The following ZBTB20 variants were observed in gnomAD, a reference collection of about 807,000 sequenced individuals.
The protein encoded by ZBTB20 is zinc finger and BTB domain containing 20, also known as zinc finger and BTB domain-containing protein 20.
In ZBTB20, 9 loss-of-function variants were observed where a neutral mutation model predicts 56.9. The observed-to-expected ratio is 0.16, with a 90% CI of 0.10 to 0.28. The LOEUF is 0.28. Among genes scored for constraint, ZBTB20 ranks in the 10% least tolerant of loss-of-function variants. The pLI, the probability that ZBTB20 is intolerant of heterozygous loss-of-function variation, is 1.00. For missense variants in ZBTB20, 655 were observed against 1,003.0 expected (o/e 0.65, Z 4.69); for synonymous variants, 417 against 420.7 (o/e 0.99, Z 0.11).
At chr3:114,978,685 T>C (rs900055622) in intron 2 of ZBTB20, among the ~76,000 whole-genome samples, 22 of 151,796 alleles carry the variant, frequency 1.4e-4, no homozygotes, top group African/African-American at 5.3e-4. Flanking sequence ...TGTGTGTGTG[T>C]GCTTGTGTGT....
chr3:114,455,233 T>G (rs892450283), intron 7 of ZBTB20, among the ~76,000 whole-genome samples: 1 of 152,056 alleles, frequency 6.6e-6, no homozygotes, highest in African/African-American at 2.4e-5. Context: ...GCTGTTCGGC[T>G]TAGACATAAA....
intron 7 of ZBTB20, among the ~76,000 whole-genome samples, chr3:114,487,097 A>G (rs1472907255): frequency 6.6e-6 from 1 of 152,188 alleles, no homozygotes; most frequent in Non-Finnish European, 1.5e-5. Context: ...AGATATATAT[A>G]TGTATATATA....
intron 4 of ZBTB20, among the ~76,000 whole-genome samples, chr3:114,806,865 T>C (rs1195060907): frequency 6.6e-6 from 1 of 151,974 alleles, no homozygotes; most frequent in African/African-American, 2.4e-5. Flanking sequence ...CACTGCTTAT[T>C]GAAAAGACTA....
In ZBTB20 at chr3:114,941,308, C is replaced by A. The variant is rs193225836; in HGVS notation, c.-456+33058G>T. ...TTGAGAAACTAACATAAATGTTTTA[C>A]AAGTCCCATTTTGTGAAAGAGAAAA... On this transcript the variant is annotated intron_variant, in intron 3 of 11. Transcript: ENST00000675478. Among the ~76,000 whole-genome samples, 1,032 of 146,434 alleles carry A rather than the reference C, an allele frequency of 7.0e-3. 210 individuals carry two copies. Among genetic ancestry groups the A allele is most frequent in the African/African-American group, 0.026 (953 of 36,204 alleles).
At chr3:115,036,750 A>G (rs1262458758) in intron 2 of ZBTB20, among the ~76,000 whole-genome samples, 2 of 152,060 alleles carry the variant, frequency 1.3e-5, no homozygotes, top group African/African-American at 2.4e-5. Flanking sequence ...CCCCACCCCA[A>G]AAATACATAG....
intron 5 of ZBTB20, among the ~76,000 whole-genome samples, chr3:114,750,110 G>C (rs2067446196): frequency 6.6e-6 from 1 of 152,170 alleles, no homozygotes; most frequent in African/African-American, 2.4e-5. Context: ...GCATTTATAA[G>C]AGAGTTTAGT....
chr3:114,749,974 G>A (rs948333185), intron 5 of ZBTB20, among the ~76,000 whole-genome samples: 1 of 152,158 alleles, frequency 6.6e-6, no homozygotes, highest in African/African-American at 2.4e-5. Context: ...TCTGTGAGTA[G>A]GTCTGGTATC....
chr3:114,735,509 T>A (rs749879803), intron 5 of ZBTB20, among the ~76,000 whole-genome samples: 2 of 152,110 alleles, frequency 1.3e-5, no homozygotes, highest in Non-Finnish European at 2.9e-5. Flanking sequence ...AGAACAGTAT[T>A]TTTATACTGA....
At chr3:114,661,396 G>A (rs532054134) in intron 6 of ZBTB20, among the ~76,000 whole-genome samples, 2 of 152,222 alleles carry the variant, frequency 1.3e-5, no homozygotes, top group African/African-American at 4.8e-5. Context: ...CCCATATTTA[G>A]TAATAGCCTT....
At chr3:114,587,478 G>A (rs2055300782) in intron 6 of ZBTB20, among the ~76,000 whole-genome samples, 2 of 152,172 alleles carry the variant, frequency 1.3e-5, no homozygotes, top group South Asian at 2.1e-4. Flanking sequence ...TACAGAAAGC[G>A]ATAATAGTAC....
At chr3:114,761,994 A>G (rs1354714477) in intron 5 of ZBTB20, among the ~76,000 whole-genome samples, 1 of 152,206 alleles carries the variant, frequency 6.6e-6, no homozygotes, top group Non-Finnish European at 1.5e-5. Flanking sequence ...AAATGACCAT[A>G]TATTATTGAA....
chr3:114,713,947 T>C (rs1449563546), intron 5 of ZBTB20: 1 of 152,612 alleles, frequency 6.6e-6, no homozygotes, highest in East Asian at 1.9e-4. Flanking sequence ...TCATCTCTGA[T>C]CGAATTTTTA....
intron 2 of ZBTB20, among the ~76,000 whole-genome samples, chr3:115,020,133 G>GT: frequency 6.6e-6 from 1 of 151,158 alleles, no homozygotes; most frequent in East Asian, 1.9e-4. Flanking sequence ...TTCCTCAAAT[G>GT]TATTTTCAAG....
At chr3:114,357,942 T>C (rs1001369246) in intron 10 of ZBTB20, among the ~76,000 whole-genome samples, 2 of 152,200 alleles carry the variant, frequency 1.3e-5, no homozygotes, top group Non-Finnish European at 2.9e-5. Context: ...GAAATGTAGG[T>C]AACTACTAAT....
At chr3:114,883,115 G>A (rs561672312) in intron 4 of ZBTB20, among the ~76,000 whole-genome samples, 3 of 152,282 alleles carry the variant, frequency 2.0e-5, no homozygotes, top group Admixed American at 6.5e-5. Flanking sequence ...ATATTTTCAT[G>A]TGTTAATAAT....
rs552555073 is a variant in ZBTB20, at chr3:114,638,393, C to T, written c.-295+55135G>A. On this transcript the variant is annotated intron_variant, in intron 6 of 11. Coordinates refer to ENST00000675478, the MANE Select transcript of ZBTB20 (RefSeq NM_001348800.3). ...TTTATCATATACCAGGAATTTCCTACCTCTCAACTTCTGGACTTCCTGTTA... is the reference window on the plus strand; with the variant it reads ...TTTATCATATACCAGGAATTTCCTATCTCTCAACTTCTGGACTTCCTGTTA... Among the ~76,000 whole-genome samples the T allele has an allele frequency of 1.5e-4, 23 of 152,210 alleles. No homozygotes were observed. The East Asian group carries it at 3.5e-3, about 23-fold the overall frequency.
chr3:114,315,528 AGT>A lies in ZBTB20; in HGVS notation c.*23475_*23476del, dbSNP rs2078645219. The A allele has an allele frequency of 6.6e-6, 1 of 151,400 alleles. No individual in the cohort carries two copies. The highest frequency in any genetic ancestry group is 2.1e-4 in the South Asian group (1 of 4,752). The allele number at this position is 151,400 out of a possible 1,614,324, so 9.4% of individuals were successfully genotyped here. A position where few individuals can be genotyped will look rare whatever the true frequency, so the allele number is the denominator to read the frequency against. ...TATGTTTTAGGTCACATAAACATAC[AGT>A]GTGTGCGTGGGTGTGTGTATTTTAG... On this transcript the variant is annotated 3_prime_UTR_variant, in exon 12 of 12. Coordinates refer to ENST00000675478, the MANE Select transcript of ZBTB20 (RefSeq NM_001348800.3).
chr3:114,812,556 T>C (rs1460725248), intron 4 of ZBTB20, among the ~76,000 whole-genome samples: 3 of 152,142 alleles, frequency 2.0e-5, no homozygotes, highest in Non-Finnish European at 4.4e-5. Flanking sequence ...AGAGTGTCGA[T>C]TGGTGTACTT....
At chr3:114,538,892 T>C (rs1260936356) in intron 6 of ZBTB20, among the ~76,000 whole-genome samples, 1 of 152,156 alleles carries the variant, frequency 6.6e-6, no homozygotes, top group African/African-American at 2.4e-5. Flanking sequence ...AGTAGCTCCA[T>C]GACTTGAGCA....
Sources: allele counts gnomAD v4.1 joint callset (sites outside exome capture counted in the v4.1 genomes callset), GRCh38; gene constraint gnomAD v4.1.1; transcripts MANE v1.5; gene names NCBI Gene and HGNC (gene_info 2026-07-23, HGNC 2026-07-21).